The following CNBD1 variants were observed in gnomAD, a reference collection of about 807,000 sequenced individuals.
The protein encoded by CNBD1 is cyclic nucleotide-binding domain-containing protein 1.
In CNBD1, 71 loss-of-function variants were observed where a neutral mutation model predicts 54.4. The observed-to-expected ratio is 1.30, with a 90% confidence interval of 1.08 to 1.59. CNBD1 has a LOEUF of 1.59. Among genes scored for constraint, CNBD1 ranks in the 40% most tolerant of loss-of-function variants. The probability of loss-of-function intolerance (pLI) is 0.00; values close to 1 mark genes in which losing one functional copy is unlikely to be tolerated. For synonymous variants in CNBD1, 182 were observed against 170.7 expected (o/e 1.07, Z -0.51); for missense variants, 659 against 518.0 (o/e 1.27, Z -2.64).
chr8:87,015,977 CAAAAAAA>C lies in CNBD1; in HGVS notation c.431+76242_431+76248del, dbSNP rs58453987. 1.1e-4 allele frequency among the ~76,000 whole-genome samples: 6 copies of C among 55,970 alleles called. No individual in the cohort carries two copies. In the East Asian group the frequency reaches 1.8e-3, roughly 17 times the overall value. The allele number at this position is 55,970 out of a possible 152,430, so 36.7% of individuals were successfully genotyped here. A position where few individuals can be genotyped will look rare whatever the true frequency, so the allele number is the denominator to read the frequency against. Reference sequence around the variant, plus strand: ...CCTGGGAAATAGTGAGAATCCGTCTCAAAAAAAAAAAAAAAAAAAAAAAAAGCCTTTT... The same window carrying C: ...CCTGGGAAATAGTGAGAATCCGTCTCAAAAAAAAAAAAAAAAAAGCCTTTT... On this transcript the variant is annotated intron_variant, in intron 4 of 10. Coordinates refer to ENST00000518476, the MANE Select transcript of CNBD1 (RefSeq NM_173538.3).
At chr8:87,417,911 CAT>C (rs1563594473) in intron 2 of CNBD1, among the ~76,000 whole-genome samples, 1 of 151,646 alleles carries the variant, frequency 6.6e-6, no homozygotes, top group Non-Finnish European at 1.5e-5. Context: ...TTAGAGAAAA[CAT>C]AAATAGAAAG....
chr8:87,236,554 G>A (rs1470980599), intron 5 of CNBD1, among the ~76,000 whole-genome samples: 1 of 151,994 alleles, frequency 6.6e-6, no homozygotes, highest in Non-Finnish European at 1.5e-5. Context: ...TTTTGTGTAT[G>A]GGAGGCTCAT....
chr8:87,342,105 C>T (rs1810076606), intron 8 of CNBD1, among the ~76,000 whole-genome samples: 1 of 152,026 alleles, frequency 6.6e-6, no homozygotes. Flanking sequence ...AACCCTGTTT[C>T]TACTAAAAAT....
chr8:87,414,090 C>T (rs1807797474), intron 2 of CNBD1, among the ~76,000 whole-genome samples: 1 of 151,964 alleles, frequency 6.6e-6, no homozygotes, highest in Non-Finnish European at 1.5e-5. Flanking sequence ...TATTGCGGCA[C>T]TATTCACAAT....
rs1371484948 is a variant in CNBD1, at chr8:87,325,257, T to C, written c.1043-26428T>C. 7.3e-5 allele frequency among the ~76,000 whole-genome samples: 7 copies of C among 95,478 alleles called. 1 individual carries two copies. The highest frequency in any genetic ancestry group is 6.4e-5 in the African/African-American group (1 of 15,680). 62.6% of individuals were successfully genotyped at this position (95,478 alleles called of 152,430 possible). A position where few individuals can be genotyped will look rare whatever the true frequency, so the allele number is the denominator to read the frequency against. ...CAATTTTGGAATAGGTGTGGTGTGGTGCTGAAAAGAATGTATATTCTGTTG... is the reference window on the plus strand; with the variant it reads ...CAATTTTGGAATAGGTGTGGTGTGGCGCTGAAAAGAATGTATATTCTGTTG... On this transcript the variant is annotated intron_variant, in intron 8 of 10. Coordinates refer to ENST00000518476, the MANE Select transcript of CNBD1 (RefSeq NM_173538.3).
At chr8:87,248,323 C>T (rs1441174819) in intron 6 of CNBD1, among the ~76,000 whole-genome samples, 1 of 152,166 alleles carries the variant, frequency 6.6e-6, no homozygotes, top group Non-Finnish European at 1.5e-5. Context: ...AAACTGCAGC[C>T]TCTCCTAAAA....
intron 4 of CNBD1, among the ~76,000 whole-genome samples, chr8:86,946,214 T>C (rs1227642753): frequency 6.6e-6 from 1 of 152,172 alleles, no homozygotes; most frequent in Non-Finnish European, 1.5e-5. Context: ...AATAATGTGT[T>C]TCATTTTTAA....
At chr8:87,004,595 A>T (rs1586192590) in intron 4 of CNBD1, among the ~76,000 whole-genome samples, 1 of 152,190 alleles carries the variant, frequency 6.6e-6, no homozygotes, top group East Asian at 1.9e-4. Flanking sequence ...ACAAAAATCT[A>T]AGTGCTTATT....
intron 6 of CNBD1, among the ~76,000 whole-genome samples, chr8:87,254,924 CT>C (rs778489624): frequency 2.0e-5 from 3 of 151,956 alleles, no homozygotes; most frequent in African/African-American, 4.8e-5. Flanking sequence ...AAGCAAAATA[CT>C]TTTTTTTCCT....
chr8:87,378,229 A>G (rs1334908023), intron 10 of CNBD1, among the ~76,000 whole-genome samples: 5 of 142,122 alleles, frequency 3.5e-5, no homozygotes, highest in African/African-American at 1.1e-4. Flanking sequence ...GTCCTTGCCC[A>G]TGCCTATGTC....
chr8:86,900,638 C>CTA (rs892713522), intron 2 of CNBD1, among the ~76,000 whole-genome samples: 1 of 151,956 alleles, frequency 6.6e-6, no homozygotes, highest in African/African-American at 2.4e-5. Context: ...TTTCTAGCTA[C>CTA]TATAACAATC....
intron 2 of CNBD1, among the ~76,000 whole-genome samples, chr8:87,421,756 G>A (rs1408054286): frequency 6.8e-6 from 1 of 147,444 alleles, no homozygotes; most frequent in Non-Finnish European, 1.5e-5. Flanking sequence ...TGTCTTTATA[G>A]CAGCATGATT....
intron 8 of CNBD1, among the ~76,000 whole-genome samples, chr8:87,310,691 A>G (rs1468650244): frequency 2.6e-5 from 4 of 152,180 alleles, no homozygotes; most frequent in Non-Finnish European, 5.9e-5. Context: ...TTTTAAGCAA[A>G]AAGAACAAAG....
chr8:87,422,101 C>T lies in CNBD1; in HGVS notation c.214-6445C>T, dbSNP rs1363321526. Among the ~76,000 whole-genome samples the T allele has an allele frequency of 4.1e-5, 6 of 146,698 alleles. No individual in the cohort carries two copies. The South Asian group carries it at 6.3e-4, about 16-fold the overall frequency. ...TTGAGAAGTGTCTGTTCATATCCTT[C>T]ACCCACTTTTTGATGGGGCTGTTTG... On this transcript the variant is annotated intron_variant, in intron 2 of 7. Transcript: ENST00000521593.
At chr8:87,204,866 C>A (rs906127905) in intron 4 of CNBD1, among the ~76,000 whole-genome samples, 3 of 152,022 alleles carry the variant, frequency 2.0e-5, no homozygotes, top group African/African-American at 7.2e-5. Flanking sequence ...TTTCTTATTG[C>A]ATCTGAAGAA....
At chr8:87,127,378 T>C (rs1812014168) in intron 4 of CNBD1, among the ~76,000 whole-genome samples, 1 of 152,186 alleles carries the variant, frequency 6.6e-6, no homozygotes, top group African/African-American at 2.4e-5. Context: ...TGTACATCTT[T>C]TGTCAGATTT....
chr8:86,902,901 A>C (rs146670440), intron 2 of CNBD1, among the ~76,000 whole-genome samples: 287 of 152,170 alleles, frequency 1.9e-3, no homozygotes, highest in African/African-American at 6.5e-3. Context: ...ATTTAGATAC[A>C]TTTATTTACA....
intron 4 of CNBD1, among the ~76,000 whole-genome samples, chr8:87,129,414 T>C (rs1177585749): frequency 6.6e-6 from 1 of 152,132 alleles, no homozygotes; most frequent in East Asian, 1.9e-4. Flanking sequence ...TTGATTTTTT[T>C]CTGGATTGAA....
At chr8:87,233,869 A>T (rs1331858393) in intron 5 of CNBD1, among the ~76,000 whole-genome samples, 1 of 152,178 alleles carries the variant, frequency 6.6e-6, no homozygotes, top group Non-Finnish European at 1.5e-5. Flanking sequence ...ATGCTGTTTG[A>T]TAGCATTTTA....
Sources: gnomAD v4.1 joint callset for allele counts (sites outside exome capture counted in the v4.1 genomes callset) on GRCh38, gnomAD v4.1.1 for gene constraint, MANE v1.5 for transcripts, NCBI Gene and HGNC (gene_info 2026-07-23, HGNC 2026-07-21) for gene names.